The following NEURL1 variants were observed in gnomAD, a reference collection of about 807,000 sequenced individuals.
NEURL1 encodes the protein E3 ubiquitin-protein ligase NEURL1.
A neutral mutation model predicts 41.2 loss-of-function variants in NEURL1; 26 were observed. That is an observed-to-expected ratio of 0.63 (90% CI 0.46 to 0.87). The LOEUF is 0.87. NEURL1 is among the 40% of genes least tolerant of loss of function. The pLI is 0.00. For missense variants in NEURL1, 761 were observed against 871.1 expected (o/e 0.87, Z 1.59); for synonymous variants, 400 against 402.3 (o/e 0.99, Z 0.07).
chr10:103,498,468 C>T (rs945866761), intron 1 of NEURL1, among the ~76,000 whole-genome samples: 11 of 152,286 alleles, frequency 7.2e-5, no homozygotes, highest in East Asian at 1.9e-4. Context: ...CCTTGTGATC[C>T]GCCCGCCTCG....
intron 1 of NEURL1, among the ~76,000 whole-genome samples, chr10:103,500,440 T>C (rs1309345034): frequency 6.6e-6 from 1 of 152,140 alleles, no homozygotes; most frequent in African/African-American, 2.4e-5. Flanking sequence ...GCTCTCAGAC[T>C]TTAGAGTTTA....
intron 1 of NEURL1, among the ~76,000 whole-genome samples, chr10:103,547,385 C>T (rs553492166): frequency 2.1e-4 from 32 of 152,264 alleles, no homozygotes; most frequent in Non-Finnish European, 4.1e-4. Flanking sequence ...TTTGTTGTAG[C>T]TACTGACACC....
intron 1 of NEURL1, among the ~76,000 whole-genome samples, chr10:103,521,281 C>T (rs890926901): frequency 7.2e-5 from 11 of 152,210 alleles, no homozygotes; most frequent in East Asian, 3.9e-4. Flanking sequence ...AAGGCCAAAC[C>T]GAGGAATTAT....
intron 1 of NEURL1, among the ~76,000 whole-genome samples, chr10:103,497,027 CTGAAA>C (rs1262170937): frequency 1.2e-4 from 19 of 152,126 alleles, no homozygotes; most frequent in Non-Finnish European, 2.2e-4. Flanking sequence ...CCTACTAAGC[CTGAAA>C]TGAAGGACAG....
At chr10:103,579,282 TC>T (rs1592238542) in intron 3 of NEURL1, among the ~76,000 whole-genome samples, 1 of 152,182 alleles carries the variant, frequency 6.6e-6, no homozygotes, top group Non-Finnish European at 1.5e-5. Context: ...TCAGGTCAAC[TC>T]CTGTGTCGTC....
intron 3 of NEURL1, among the ~76,000 whole-genome samples, chr10:103,581,810 C>T (rs1480611057): frequency 6.6e-6 from 1 of 152,100 alleles, no homozygotes; most frequent in South Asian, 2.1e-4. Context: ...TGAGTATTCC[C>T]TGAGAATTGT....
At chr10:103,501,867 C>T (rs1167678055) in intron 1 of NEURL1, among the ~76,000 whole-genome samples, 1 of 152,056 alleles carries the variant, frequency 6.6e-6, no homozygotes, top group Non-Finnish European at 1.5e-5. Context: ...CACCTGACCT[C>T]AGGAGGTCTG....
chr10:103,521,913 G>A (rs1234274193), intron 1 of NEURL1, among the ~76,000 whole-genome samples: 16 of 148,198 alleles, frequency 1.1e-4, no homozygotes, highest in African/African-American at 3.5e-4. Context: ...GGGTGCAGGC[G>A]GGTTGAGTCA....
At chr10:103,504,942 G>A (rs1489272346) in intron 1 of NEURL1, among the ~76,000 whole-genome samples, 5 of 152,070 alleles carry the variant, frequency 3.3e-5, no homozygotes, top group African/African-American at 1.2e-4. Context: ...CTACTAGCAC[G>A]TTAGGCGAGA....
chr10:103,556,623 A>G lies in NEURL1; in HGVS notation c.86-14249A>G, dbSNP rs1015660286. ...TAATTAAAAAAGAAAAAAGACAGGGAAAGATGTAGGAAAAGCAAATCATTG... is the reference window on the plus strand; with the variant it reads ...TAATTAAAAAAGAAAAAAGACAGGGGAAGATGTAGGAAAAGCAAATCATTG... On this transcript the variant is annotated intron_variant, in intron 1 of 5. Coordinates refer to ENST00000369780, the MANE Select transcript of NEURL1 (RefSeq NM_004210.5). The surrounding 1 kb of genome is among the most constrained non-coding windows in gnomAD (Gnocchi z 4.4). Among the ~76,000 whole-genome samples the G allele has an allele frequency of 1.3e-5, 2 of 152,182 alleles. No homozygotes were observed. The highest frequency in any genetic ancestry group is 2.9e-5 in the Non-Finnish European group (2 of 68,028).
chr10:103,525,938 G>A (rs2034450761), intron 1 of NEURL1, among the ~76,000 whole-genome samples: 1 of 152,136 alleles, frequency 6.6e-6, no homozygotes, highest in Non-Finnish European at 1.5e-5. Flanking sequence ...CTAACTTGTT[G>A]AGAGTTTTTA....
At chr10:103,555,486 C>T in intron 1 of NEURL1, 2 of 1,254,572 alleles carry the variant, frequency 1.6e-6, no homozygotes, top group South Asian at 1.2e-5. Flanking sequence ...GGCGGAGGGG[C>T]GCTGGGGCTG....
At chr10:103,509,140 G>A (rs1432255804) in intron 1 of NEURL1, among the ~76,000 whole-genome samples, 1 of 151,658 alleles carries the variant, frequency 6.6e-6, no homozygotes. Flanking sequence ...GCTGAGGCAG[G>A]AGAATCACTT....
At chr10:103,517,080 A>G (rs2034232139) in intron 1 of NEURL1, among the ~76,000 whole-genome samples, 2 of 142,186 alleles carry the variant, frequency 1.4e-5, no homozygotes, top group African/African-American at 5.4e-5. Context: ...AGGCTGGAGT[A>G]CAGTGGCGTG....
In NEURL1 at chr10:103,571,126, C is replaced by T; in HGVS notation, c.327+13C>T. On this transcript the variant is annotated intron_variant, in intron 2 of 5. Coordinates refer to ENST00000369780, the MANE Select transcript of NEURL1 (RefSeq NM_004210.5). Reference sequence around the variant, plus strand: ...AGTCAGGCTGAAGGTGGGCCTGCCCCCTGCCCCCGCCCCCGCCTCCTGCTT... The same window carrying T: ...AGTCAGGCTGAAGGTGGGCCTGCCCTCTGCCCCCGCCCCCGCCTCCTGCTT... 1 of 1,610,116 alleles carries T rather than the reference C, an allele frequency of 6.2e-7. No homozygotes were observed. Among genetic ancestry groups the T allele is most frequent in the Non-Finnish European group, 8.5e-7 (1 of 1,178,414 alleles).
At chr10:103,589,391 C>A in intron 4 of NEURL1, 123 bp from the exon 5 acceptor site, 1 of 1,103,160 alleles carries the variant, frequency 9.1e-7, no homozygotes, top group Non-Finnish European at 1.3e-6. Flanking sequence ...TGCAAAATCC[C>A]GCTCTTGGCC....
In NEURL1 at chr10:103,574,351, T is replaced by C. The variant is rs571027249; in HGVS notation, c.649+2529T>C. Among the ~76,000 whole-genome samples the C allele has an allele frequency of 1.6e-4, 24 of 152,026 alleles. No homozygotes were observed. In the South Asian group the frequency reaches 5.0e-3, roughly 32 times the overall value. On this transcript the variant is annotated intron_variant, in intron 3 of 5. Coordinates refer to ENST00000369780, the MANE Select transcript of NEURL1 (RefSeq NM_004210.5). ...AGATGGTTTCTATCCAGTTATCTCATTTAACCCCTCTGAAGCAGGCCCCAC... is the reference window on the plus strand; with the variant it reads ...AGATGGTTTCTATCCAGTTATCTCACTTAACCCCTCTGAAGCAGGCCCCAC...
At chr10:103,494,560 C>T in intron 1 of NEURL1, 88 bp downstream of exon 1, 1 of 1,182,340 alleles carries the variant, frequency 8.5e-7, no homozygotes, top group Non-Finnish European at 1.2e-6. Flanking sequence ...GCAGACGCCA[C>T]CTGTTGTGCG....
intron 3 of NEURL1, among the ~76,000 whole-genome samples, chr10:103,578,848 C>G (rs1422971419): frequency 6.6e-6 from 1 of 152,240 alleles, no homozygotes; most frequent in Non-Finnish European, 1.5e-5. Context: ...CCGGCTCCCT[C>G]CCATGCCCCG....
Sources: gnomAD v4.1 joint callset for allele counts (sites outside exome capture counted in the v4.1 genomes callset) on GRCh38, gnomAD v4.1.1 for gene constraint, Gnocchi (gnomAD v3.1) non-coding constraint, MANE v1.5 for transcripts, NCBI Gene and HGNC (gene_info 2026-07-23, HGNC 2026-07-21) for gene names.